The following MYO3A variants were observed in gnomAD, a reference collection of about 807,000 sequenced individuals.
MYO3A encodes the protein myosin-IIIa.
In MYO3A, 180 loss-of-function variants were observed where a neutral mutation model predicts 192.7. The ratio of observed to expected loss-of-function variants is 0.93; its 90% CI spans 0.83 to 1.06. MYO3A has a LOEUF of 1.06. Among genes scored for constraint, MYO3A ranks in the 50% least tolerant of loss-of-function variants. The pLI is 0.00. For missense variants in MYO3A, 1,896 were observed against 1,905.0 expected (o/e 1.00, Z 0.09); for synonymous variants, 628 against 645.3 (o/e 0.97, Z 0.41).
At chr10:26,208,730 A>G (rs777676022) in intron 34 of MYO3A, among the ~76,000 whole-genome samples, 9 of 152,122 alleles carry the variant, frequency 5.9e-5, no homozygotes, top group Non-Finnish European at 1.2e-4. Context: ...GACCTTGCCA[A>G]AGGTTTTTTT....
intron 24 of MYO3A, 68 bp downstream of exon 24, chr10:26,153,997 T>A: frequency 8.8e-7 from 1 of 1,136,918 alleles, no homozygotes; most frequent in Non-Finnish European, 1.3e-6. Flanking sequence ...AATATTTGTA[T>A]GCTTCTCAAA....
Position 26,026,479 on chromosome 10 carries a change from A to G in MYO3A, c.900A>G (p.Gln300=). The change falls in exon 10 of 35, where the codon CAA becomes CAG. Residue 300 remains glutamine (Q), a synonymous_variant. Transcript: ENST00000642920. ...IEGKDVMLQK[Q]LTEFIGIHQC... ...GCAAAGATGTGATGCTACAAAAACA[A>G]CTAACGGAATTCATTGGCATCCATC... The G allele has an allele frequency of 6.2e-7, 1 of 1,614,186 alleles. No individual in the cohort carries two copies. The highest frequency in any genetic ancestry group is 8.5e-7 in the Non-Finnish European group (1 of 1,180,012).
At chr10:25,970,869 T>C (rs373379069) in intron 4 of MYO3A, among the ~76,000 whole-genome samples, 4 of 151,884 alleles carry the variant, frequency 2.6e-5, no homozygotes, top group South Asian at 2.1e-4. Context: ...ATAACTGATA[T>C]GAGAAGAAAT....
chr10:26,092,047 T>C (rs189591183), intron 15 of MYO3A, among the ~76,000 whole-genome samples: 4 of 152,250 alleles, frequency 2.6e-5, no homozygotes, highest in African/African-American at 9.6e-5. Flanking sequence ...ATTGAGCAGG[T>C]AGGTGGCAAG....
chr10:26,198,330 C>T (rs1229595096), intron 32 of MYO3A, among the ~76,000 whole-genome samples: 1 of 152,122 alleles, frequency 6.6e-6, no homozygotes, highest in Non-Finnish European at 1.5e-5. Flanking sequence ...AGAGCATTAG[C>T]GGAGTGCGCA....
intron 17 of MYO3A, 47 bp downstream of exon 17, chr10:26,096,729 C>A: frequency 7.8e-7 from 1 of 1,287,934 alleles, no homozygotes; most frequent in South Asian, 1.2e-5. Flanking sequence ...ATCTTTTTAT[C>A]ATCACTAATG....
At chr10:25,986,166 T>C (rs1839640162) in intron 4 of MYO3A, among the ~76,000 whole-genome samples, 1 of 152,166 alleles carries the variant, frequency 6.6e-6, no homozygotes, top group African/African-American at 2.4e-5. Flanking sequence ...CCCTTTATGA[T>C]TAAAGCCCTC....
chr10:26,039,328 G>T (rs1170830458), intron 10 of MYO3A, among the ~76,000 whole-genome samples: 2 of 150,956 alleles, frequency 1.3e-5, no homozygotes, highest in Non-Finnish European at 2.9e-5. Flanking sequence ...CCAAAGTGCT[G>T]GGATTACAAA....
At chr10:25,965,512 G>A (rs971799403) in intron 4 of MYO3A, among the ~76,000 whole-genome samples, 4 of 152,042 alleles carry the variant, frequency 2.6e-5, no homozygotes, top group South Asian at 2.1e-4. Context: ...GCTAAGGGAC[G>A]TGATGCCAGC....
At chr10:26,136,191 G>C (rs1279204756) in intron 20 of MYO3A, among the ~76,000 whole-genome samples, 1 of 151,900 alleles carries the variant, frequency 6.6e-6, no homozygotes, top group Non-Finnish European at 1.5e-5. Context: ...TTCCTTCCTT[G>C]ACCTAAAATG....
intron 17 of MYO3A, among the ~76,000 whole-genome samples, chr10:26,120,064 G>A (rs903322247): frequency 3.3e-5 from 5 of 151,506 alleles, no homozygotes; most frequent in Admixed American, 1.3e-4. Flanking sequence ...CACAGGAGTC[G>A]CAGGTGGGTG....
At chr10:26,030,841 G>C (rs1443258288) in intron 10 of MYO3A, among the ~76,000 whole-genome samples, 1 of 152,182 alleles carries the variant, frequency 6.6e-6, no homozygotes, top group Admixed American at 6.5e-5. Context: ...AGTGTTGGGA[G>C]ATACTATGGA....
chr10:26,123,492 T>C (rs987908362), intron 18 of MYO3A, among the ~76,000 whole-genome samples: 4 of 152,178 alleles, frequency 2.6e-5, no homozygotes, highest in African/African-American at 9.7e-5. Flanking sequence ...TAGAAAACAT[T>C]TTCTCCTATC....
At chr10:26,179,717 T>A in intron 31 of MYO3A, among the ~76,000 whole-genome samples, 1 of 152,242 alleles carries the variant, frequency 6.6e-6, no homozygotes, top group Admixed American at 6.5e-5. Flanking sequence ...TGTATGTGAT[T>A]TGTTTGAGAA....
chr10:26,125,644 G>A (rs1212774544), intron 19 of MYO3A, 36 bp downstream of exon 19: 7 of 1,539,474 alleles, frequency 4.5e-6, no homozygotes, highest in Non-Finnish European at 6.3e-6. Flanking sequence ...TTTCCCAAAT[G>A]TCAGGTGATG....
intron 6 of MYO3A, among the ~76,000 whole-genome samples, chr10:26,016,487 A>C (rs566553400): frequency 5.9e-5 from 9 of 152,204 alleles, no homozygotes; most frequent in Non-Finnish European, 1.3e-4. Context: ...TTACATGACA[A>C]AATATGTAAA....
At chr10:26,049,909 C>T (rs2131280424) in intron 10 of MYO3A, among the ~76,000 whole-genome samples, 1 of 151,922 alleles carries the variant, frequency 6.6e-6, no homozygotes, top group African/African-American at 2.4e-5. Context: ...CTCATGACCT[C>T]GTGATCCACC....
At chr10:25,981,454 A>G (rs1468848642) in intron 4 of MYO3A, among the ~76,000 whole-genome samples, 1 of 152,232 alleles carries the variant, frequency 6.6e-6, no homozygotes, top group Non-Finnish European at 1.5e-5. Context: ...TTAAATGATC[A>G]ATTTAGAGCT....
intron 10 of MYO3A, among the ~76,000 whole-genome samples, chr10:26,063,882 A>G (rs911634086): frequency 4.6e-5 from 7 of 152,216 alleles, no homozygotes; most frequent in African/African-American, 1.7e-4. Flanking sequence ...AGATTGTGTA[A>G]TGTTATGGAA....
Sources: allele counts gnomAD v4.1 joint callset (sites outside exome capture counted in the v4.1 genomes callset), GRCh38; gene constraint gnomAD v4.1.1; transcripts MANE v1.5; gene names NCBI Gene and HGNC (gene_info 2026-07-23, HGNC 2026-07-21).